COL24A1: variants seen among roughly 807,000 people sequenced by gnomAD.
COL24A1 encodes the protein collagen type XXIV alpha 1 chain.
In COL24A1, 224 loss-of-function variants were observed where a neutral mutation model predicts 253.9. That is an observed-to-expected ratio of 0.88 (90% confidence interval 0.79 to 0.99). COL24A1 has a LOEUF of 0.99. COL24A1 is among the 50% of genes least tolerant of loss of function. COL24A1 has a pLI of 0.00. For missense variants in COL24A1, 2,131 were observed against 2,068.5 expected, an observed-to-expected ratio of 1.03 and a Z score of -0.59; for synonymous variants, 685 against 673.7, an observed-to-expected ratio of 1.02 and a Z score of -0.26.
In COL24A1 at chr1:85,925,856, A is replaced by C. The variant is rs1478428686; in HGVS notation, c.2563-14423T>G. Among the ~76,000 whole-genome samples the C allele has an allele frequency of 4.6e-5, 7 of 152,142 alleles. No homozygotes were observed. In the South Asian group the frequency reaches 6.2e-4, roughly 13 times the overall value. ...GTTAAACTAAAGAGCTTCTGCACAG[A>C]AAAAGAAACTACCATCAGAGTGAAC... On this transcript the variant is annotated intron_variant, in intron 24 of 59. Coordinates refer to ENST00000370571, the MANE Select transcript of COL24A1 (RefSeq NM_152890.7).
At chr1:85,882,370 A>C (rs1282658390) in intron 32 of COL24A1, among the ~76,000 whole-genome samples, 4 of 152,080 alleles carry the variant, frequency 2.6e-5, no homozygotes, top group Non-Finnish European at 4.4e-5. Context: ...GAGGCTGAGG[A>C]AGGAGAATGG....
intron 2 of COL24A1, among the ~76,000 whole-genome samples, chr1:86,140,261 C>T (rs143201574): frequency 1.2e-3 from 180 of 152,236 alleles, no homozygotes; most frequent in Non-Finnish European, 2.1e-3. Context: ...TAATAAATGG[C>T]GGAAACTGGG....
chr1:85,805,850 C>A (rs772293044), intron 47 of COL24A1, among the ~76,000 whole-genome samples: 1 of 151,900 alleles, frequency 6.6e-6, no homozygotes, highest in Non-Finnish European at 1.5e-5. Context: ...CCGAGGTGGG[C>A]GGATCACGAG....
intron 24 of COL24A1, among the ~76,000 whole-genome samples, chr1:85,950,884 C>T (rs1423985677): frequency 6.6e-6 from 1 of 152,162 alleles, no homozygotes. Flanking sequence ...TTACAGGCAA[C>T]TAGTAGAAGC....
At chr1:85,886,108 G>A (rs565068269) in intron 32 of COL24A1, among the ~76,000 whole-genome samples, 1 of 151,846 alleles carries the variant, frequency 6.6e-6, no homozygotes, top group African/African-American at 2.4e-5. Flanking sequence ...TATCACCCAG[G>A]TTGGAGTGCA....
intron 43 of COL24A1, among the ~76,000 whole-genome samples, chr1:85,824,359 T>G (rs1673988296): frequency 6.6e-6 from 1 of 152,222 alleles, no homozygotes; most frequent in Non-Finnish European, 1.5e-5. Flanking sequence ...ATTACATATC[T>G]ATTGTTGTAA....
intron 28 of COL24A1, among the ~76,000 whole-genome samples, chr1:85,901,245 A>G (rs1451740260): frequency 6.6e-6 from 1 of 152,194 alleles, no homozygotes; most frequent in Admixed American, 6.5e-5. Context: ...TGGGGAAAGA[A>G]CCTGAGCAGA....
intron 24 of COL24A1, among the ~76,000 whole-genome samples, chr1:85,952,344 A>G (rs549555952): frequency 6.6e-6 from 1 of 152,222 alleles, no homozygotes; most frequent in African/African-American, 2.4e-5. Flanking sequence ...AAAATGATAC[A>G]TTCCATAAAA....
intron 39 of COL24A1, among the ~76,000 whole-genome samples, chr1:85,844,565 C>G (rs1045309663): frequency 6.6e-6 from 1 of 151,898 alleles, no homozygotes; most frequent in Admixed American, 6.6e-5. Flanking sequence ...ACAAAGTAGA[C>G]ACTTTGAACT....
intron 37 of COL24A1, among the ~76,000 whole-genome samples, chr1:85,867,185 C>G (rs313768): frequency 0.41 from 62,466 of 151,916 alleles, 13,333 homozygotes; most frequent in South Asian, 0.59. Flanking sequence ...GGGGCAGGGC[C>G]CATTCAATGA....
At chr1:86,028,408 C>T (rs113739725) in intron 14 of COL24A1, among the ~76,000 whole-genome samples, 13,214 of 152,238 alleles carry the variant, frequency 0.087, 706 homozygotes, top group Middle Eastern at 0.19. Flanking sequence ...ATGGAGATGG[C>T]TGCCCCATGC....
At chr1:86,088,262 G>A (rs1703218962) in intron 7 of COL24A1, among the ~76,000 whole-genome samples, 1 of 152,086 alleles carries the variant, frequency 6.6e-6, no homozygotes, top group South Asian at 2.1e-4. Context: ...AAGCAACCAG[G>A]GCCTGAATAC....
chr1:86,020,990 A>G (rs1697478105), intron 18 of COL24A1, among the ~76,000 whole-genome samples: 1 of 152,198 alleles, frequency 6.6e-6, no homozygotes, highest in African/African-American at 2.4e-5. Context: ...TTCATCGAAT[A>G]GATGCCAAAA....
intron 19 of COL24A1, among the ~76,000 whole-genome samples, chr1:86,009,311 T>C (rs965361191): frequency 2.0e-5 from 3 of 152,128 alleles, no homozygotes; most frequent in Non-Finnish European, 4.4e-5. Context: ...ATCCAAGAAG[T>C]AGAAATTTAG....
At chr1:85,996,449 G>A (rs1005006775) in intron 19 of COL24A1, among the ~76,000 whole-genome samples, 5 of 100,888 alleles carry the variant, frequency 5.0e-5, no homozygotes, top group African/African-American at 1.7e-4. Context: ...GCCGAGGCGG[G>A]TGGATCACCT....
chr1:86,126,431 TAC>T (rs1396825342), intron 2 of COL24A1, among the ~76,000 whole-genome samples: 3 of 152,030 alleles, frequency 2.0e-5, no homozygotes, highest in Non-Finnish European at 4.4e-5. Flanking sequence ...CCCCTCCCCC[TAC>T]ACACACACCA....
intron 47 of COL24A1, among the ~76,000 whole-genome samples, chr1:85,804,348 G>A (rs1453975022): frequency 2.0e-5 from 3 of 152,138 alleles, no homozygotes; most frequent in Non-Finnish European, 4.4e-5. Flanking sequence ...CAGCAGAACT[G>A]CACAAGAGGA....
At chr1:85,817,344 A>G (rs1240128186) in intron 46 of COL24A1, among the ~76,000 whole-genome samples, 1 of 152,196 alleles carries the variant, frequency 6.6e-6, no homozygotes, top group Non-Finnish European at 1.5e-5. Flanking sequence ...TAATTATATG[A>G]CTGAAGTAAG....
At chr1:86,130,295 T>C (rs946209499) in intron 2 of COL24A1, among the ~76,000 whole-genome samples, 1 of 151,974 alleles carries the variant, frequency 6.6e-6, no homozygotes, top group Non-Finnish European at 1.5e-5. Context: ...TATTTGTTTT[T>C]TGATCCAGTC....
Sources: allele counts gnomAD v4.1 joint callset (sites outside exome capture counted in the v4.1 genomes callset), GRCh38; gene constraint gnomAD v4.1.1; transcripts MANE v1.5; gene names NCBI Gene and HGNC (gene_info 2026-07-23, HGNC 2026-07-21).